GLG1: variants seen among roughly 807,000 people sequenced by gnomAD.
GLG1 encodes Golgi apparatus protein 1.
In GLG1, 38 loss-of-function variants were observed where a neutral mutation model predicts 160.5. The observed-to-expected ratio is 0.24, with a 90% confidence interval of 0.18 to 0.31. GLG1 has a LOEUF of 0.31. GLG1 is among the 10% of genes least tolerant of loss of function. The probability of loss-of-function intolerance (pLI) is 1.00; values close to 1 mark genes in which losing one functional copy is unlikely to be tolerated. For missense variants in GLG1, 1,373 were observed against 1,505.2 expected (o/e 0.91, Z 1.45); for synonymous variants, 644 against 543.4 (o/e 1.19, Z -2.57).
Position 74,597,043 on chromosome 16 carries a change from C to T in GLG1, c.438+9614G>A, listed in dbSNP as rs998914970. Among the ~76,000 whole-genome samples, 3 of 151,382 alleles carry T rather than the reference C, an allele frequency of 2.0e-5. No individual in the cohort carries two copies. In the South Asian group the frequency reaches 6.3e-4, roughly 32 times the overall value. On this transcript the variant is annotated intron_variant, in intron 1 of 25. Transcript: ENST00000422840. Reference sequence around the variant, plus strand: ...CTGAGGTGGGATGATCACTCGTGCTCGGGAGGCAGAGGCTGCAGTGAATCA... The same window carrying T: ...CTGAGGTGGGATGATCACTCGTGCTTGGGAGGCAGAGGCTGCAGTGAATCA...
At position 74,474,591 on chromosome 16, in the gene GLG1, C is replaced by T. The variant is rs766664305; in HGVS notation, c.2007G>A (p.Val669=). 2 of 1,588,240 alleles carry T rather than the reference C, an allele frequency of 1.3e-6. No individual in the cohort carries two copies. Among genetic ancestry groups the T allele is most frequent in the African/African-American group, 1.3e-5 (1 of 74,390 alleles). Residue 669 remains valine, a synonymous_variant, in exon 13 of 26, where the codon GTG becomes GTA. Transcript: ENST00000422840. ...CLQDHLDDLV[V]ECRDIVGNLT... ...GGTTGCCAACTATATCTCTACACTC[C>T]ACCACCAAGTCATCCAGATGGTCCT... is the stretch of plus-strand genomic sequence containing the variant.
chr16:74,575,608 T>C (rs997439728), intron 1 of GLG1, among the ~76,000 whole-genome samples: 7 of 152,278 alleles, frequency 4.6e-5, no homozygotes, highest in Admixed American at 1.3e-4. Context: ...TTTGTTTGTT[T>C]GTTTTTTTGA....
intron 10 of GLG1, 55 bp downstream of exon 10, chr16:74,482,968 C>T (rs752758027): frequency 8.7e-6 from 8 of 914,382 alleles, no homozygotes; most frequent in Non-Finnish European, 1.1e-5. Flanking sequence ...GTAATTATGA[C>T]TACACAGGAG....
chr16:74,484,680 G>A lies in GLG1; in HGVS notation c.1571+1116C>T, dbSNP rs909136937. Among the ~76,000 whole-genome samples, 7 of 152,270 alleles carry A rather than the reference G, an allele frequency of 4.6e-5. No individual in the cohort carries two copies. The East Asian group carries it at 1.4e-3, about 29-fold the overall frequency. The stretch of plus-strand genomic sequence containing the variant: ...GGAGGCTGAGCCAGGAGAACTGCTT[G>A]AACTGGGATCCGGGAGGCAGAGGCA... On this transcript the variant is annotated intron_variant, in intron 9 of 25. Coordinates refer to ENST00000422840, the MANE Select transcript of GLG1 (RefSeq NM_001145667.2).
intron 1 of GLG1, among the ~76,000 whole-genome samples, chr16:74,603,918 C>A (rs1354132358): frequency 6.6e-6 from 1 of 151,586 alleles, no homozygotes. Flanking sequence ...GCTATTACAT[C>A]TATTATTTCA....
chr16:74,569,735 C>T (rs1224152583), intron 1 of GLG1, among the ~76,000 whole-genome samples: 1 of 151,820 alleles, frequency 6.6e-6, no homozygotes, highest in Non-Finnish European at 1.5e-5. Context: ...TGGTGGGGCT[C>T]ACCTGTAATT....
intron 4 of GLG1, among the ~76,000 whole-genome samples, chr16:74,502,874 A>G (rs1396070743): frequency 6.7e-6 from 1 of 149,206 alleles, no homozygotes; most frequent in Non-Finnish European, 1.5e-5. Context: ...CCGGCCAGTA[A>G]TTTTTTTTAT....
intron 1 of GLG1, among the ~76,000 whole-genome samples, chr16:74,539,743 T>C (rs1268287997): frequency 6.7e-6 from 1 of 148,578 alleles, no homozygotes. Context: ...ACTGAGTAAC[T>C]CCTGACTCCC....
At chr16:74,469,121 A>G in intron 16 of GLG1, 58 bp from the exon 17 acceptor site, 2 of 1,132,710 alleles carry the variant, frequency 1.8e-6, no homozygotes, top group South Asian at 2.5e-5. Flanking sequence ...ATGGCCTGAG[A>G]GCTGGGCTTG....
rs2014111116 is a variant in GLG1, at chr16:74,447,447, A to T, written c.*5720T>A. The T allele has an allele frequency of 6.6e-6, 1 of 152,336 alleles. No homozygotes were observed. The highest frequency in any genetic ancestry group is 2.1e-4 in the South Asian group (1 of 4,828). 9.4% of individuals were successfully genotyped at this position (152,336 alleles called of 1,614,324 possible). A position where few individuals can be genotyped will look rare whatever the true frequency, so the allele number is the denominator to read the frequency against. On this transcript the variant is annotated 3_prime_UTR_variant, in exon 26 of 26. Transcript: ENST00000422840. ...GAAGATTTAACAAGTAAAAACCTGC[A>T]AACTCTTTATTAAATTCTCCCATTT...
Position 74,512,112 on chromosome 16 carries a change from T to C in GLG1, c.472-3187A>G, listed in dbSNP as rs377700820. On this transcript the variant is annotated intron_variant, in intron 2 of 25. Transcript: ENST00000422840. ...CCATTCTGTCACACTTTATCCTCTC[T>C]ACCCTCATCTTCTGGCAACCATTAA... Among the ~76,000 whole-genome samples the C allele has an allele frequency of 3.2e-3, 489 of 151,612 alleles. 4 individuals are homozygous for C. The highest frequency in any genetic ancestry group is 0.011 in the African/African-American group (465 of 41,422).
chr16:74,454,684 A>C (rs1224211537), intron 25 of GLG1, among the ~76,000 whole-genome samples: 2 of 140,516 alleles, frequency 1.4e-5, no homozygotes, highest in East Asian at 2.0e-4. Context: ...AAAAAAAAAA[A>C]AAAAAAAAAA....
rs181858618 is a variant in GLG1 at position 74,545,892 on chromosome 16, T to C, written c.439-13739A>G. Reference sequence around the variant, plus strand: ...TGATTAATTTTGTAAAAGTAAATGTTTGTTACCAACCGGTCAACTTTAATA... The same window carrying C: ...TGATTAATTTTGTAAAAGTAAATGTCTGTTACCAACCGGTCAACTTTAATA... On this transcript the variant is annotated intron_variant, in intron 1 of 25. Coordinates refer to ENST00000422840, the MANE Select transcript of GLG1 (RefSeq NM_001145667.2). Among the ~76,000 whole-genome samples, 845 of 152,340 alleles carry C rather than the reference T, an allele frequency of 5.5e-3. 6 individuals carry two copies. The highest frequency in any genetic ancestry group is 0.049 in the South Asian group (236 of 4,822).
At chr16:74,601,817 C>T (rs2143914930) in intron 1 of GLG1, among the ~76,000 whole-genome samples, 1 of 152,278 alleles carries the variant, frequency 6.6e-6, no homozygotes, top group South Asian at 2.1e-4. Context: ...TCTCAACAGT[C>T]ACAGACTAAT....
At chr16:74,562,384 A>G (rs952544269) in intron 1 of GLG1, among the ~76,000 whole-genome samples, 5 of 152,230 alleles carry the variant, frequency 3.3e-5, no homozygotes, top group African/African-American at 1.2e-4. Flanking sequence ...TTCCTCTCCC[A>G]AACTCTGATA....
intron 14 of GLG1, among the ~76,000 whole-genome samples, chr16:74,471,973 C>G (rs1202419510): frequency 1.3e-5 from 2 of 152,110 alleles, no homozygotes; most frequent in African/African-American, 2.4e-5. Context: ...GGCACAATCA[C>G]GGCTCACTGC....
intron 2 of GLG1, among the ~76,000 whole-genome samples, chr16:74,514,556 G>A (rs887369074): frequency 6.6e-6 from 1 of 152,140 alleles, no homozygotes; most frequent in Non-Finnish European, 1.5e-5. Flanking sequence ...CATAAGTGAA[G>A]GAGAAATAAA....
In GLG1 at chr16:74,607,080, T is replaced by C; in HGVS notation, c.15A>G (p.Gly5=). MAAC[G]RVRRMFRLSA... ...ACAAGCGGAACATCCTCCGTACACG[T>C]CCACACGCCGCCATCTTGAGTCCGC... is the stretch of plus-strand genomic sequence containing the variant. Residue 5 remains glycine, a synonymous_variant, in exon 1 of 26, where the codon GGA becomes GGG. Transcript: ENST00000422840. The C allele has an allele frequency of 3.2e-6, 5 of 1,554,932 alleles. No homozygotes were observed. The highest frequency in any genetic ancestry group is 3.5e-6 in the Non-Finnish European group (4 of 1,150,464).
intron 7 of GLG1, among the ~76,000 whole-genome samples, chr16:74,491,969 AC>A (rs1471452040): frequency 6.6e-6 from 1 of 151,940 alleles, no homozygotes; most frequent in African/African-American, 2.4e-5. Flanking sequence ...ACAAAACAAA[AC>A]AAAAACAGGT....
Sources: gnomAD v4.1 joint callset for allele counts (sites outside exome capture counted in the v4.1 genomes callset) on GRCh38, gnomAD v4.1.1 for gene constraint, MANE v1.5 for transcripts, NCBI Gene and HGNC (gene_info 2026-07-23, HGNC 2026-07-21) for gene names.